PITPNM3: variants seen among roughly 807,000 people sequenced by gnomAD.
PITPNM3 encodes PITPNM family member 3.
A neutral mutation model predicts 102.0 loss-of-function variants in PITPNM3; 26 were observed. That is an observed-to-expected ratio of 0.25 (90% confidence interval 0.19 to 0.35). The LOEUF is 0.35. Ranked by LOEUF, PITPNM3 falls within the 10% of genes least tolerant of loss-of-function variation. The pLI is 1.00. For synonymous variants in PITPNM3, 578 were observed against 558.6 expected (o/e 1.03, Z -0.49); for missense variants, 1,083 against 1,346.1 (o/e 0.80, Z 3.06).
At chr17:6,540,412 C>T (rs1450906682) in intron 1 of PITPNM3, among the ~76,000 whole-genome samples, 3 of 152,132 alleles carry the variant, frequency 2.0e-5, no homozygotes, top group African/African-American at 7.2e-5. Context: ...TAATTACAGC[C>T]TAAAGAACAG....
In PITPNM3 at chr17:6,505,195, A is replaced by T. The variant is rs961359847; in HGVS notation, c.227-1621T>A. Among the ~76,000 whole-genome samples the T allele has an allele frequency of 6.2e-3, 847 of 135,918 alleles. 27 individuals are homozygous for T. The highest frequency in any genetic ancestry group is 0.023 in the African/African-American group (782 of 33,512). 89.2% of individuals were successfully genotyped at this position (135,918 alleles called of 152,430 possible). The stretch of plus-strand genomic sequence containing the variant: ...CGTCTCCAAAAAAGAAGACAAATAA[A>T]ATATATATATATATATATATGTAAA... On this transcript the variant is annotated intron_variant, in intron 3 of 19. Coordinates refer to ENST00000262483, the MANE Select transcript of PITPNM3 (RefSeq NM_031220.4).
Position 6,455,392 on chromosome 17 carries a change from C to G in PITPNM3, c.2871G>C (p.Pro957=). The G allele has an allele frequency of 6.3e-7, 1 of 1,594,006 alleles. No individual in the cohort carries two copies. The highest frequency in any genetic ancestry group is 2.3e-5 in the East Asian group (1 of 44,404). Reference sequence around the variant, plus strand: ...CACGCGCCCAGCTGAGCGCCGGCAGCGGCCGCTCGTGGTCTTTGTCCGACT... The same window carrying G: ...CACGCGCCCAGCTGAGCGCCGGCAGGGGCCGCTCGTGGTCTTTGTCCGACT... The part of the protein sequence containing the change: ...QPESDKDHER[P]LPALSWARGP... Residue 957 remains proline, a synonymous_variant, in exon 20 of 20, where the codon CCG becomes CCC. Coordinates refer to ENST00000262483, the MANE Select transcript of PITPNM3 (RefSeq NM_031220.4).
intron 17 of PITPNM3, among the ~76,000 whole-genome samples, chr17:6,461,828 C>T (rs79212926): frequency 0.02 from 3,014 of 151,734 alleles, 101 homozygotes; most frequent in African/African-American, 0.069. Flanking sequence ...CAGAGACAGG[C>T]GCCTTTCATT....
chr17:6,547,802 C>T (rs1910103621), intron 1 of PITPNM3, among the ~76,000 whole-genome samples: 1 of 151,796 alleles, frequency 6.6e-6, no homozygotes. Context: ...ATGCCACGAT[C>T]TCGGCTCACT....
rs1231542948 is a variant in PITPNM3, at chr17:6,468,869, C to T, written c.1774-528G>A. 1.3e-5 allele frequency among the ~76,000 whole-genome samples: 2 copies of T among 152,170 alleles called. No individual in the cohort carries two copies. Among genetic ancestry groups the T allele is most frequent in the Non-Finnish European group, 2.9e-5 (2 of 68,028 alleles). Reference sequence around the variant, plus strand: ...ACCGCCACATCCCTGCTGTCCCTCACAGCAGCACTGACAGAGGACTTAGCC... The same window carrying T: ...ACCGCCACATCCCTGCTGTCCCTCATAGCAGCACTGACAGAGGACTTAGCC... On this transcript the variant is annotated intron_variant, in intron 13 of 19. Transcript: ENST00000262483. The surrounding 1 kb of genome is among the most constrained non-coding windows in gnomAD (Gnocchi z 5.2).
At chr17:6,513,103 C>A (rs1597394937) in intron 3 of PITPNM3, among the ~76,000 whole-genome samples, 1 of 151,620 alleles carries the variant, frequency 6.6e-6, no homozygotes, top group East Asian at 1.9e-4. Flanking sequence ...AATCCAACAC[C>A]CTTTTATGGT....
At chr17:6,535,713 G>A (rs1430608479) in intron 2 of PITPNM3, among the ~76,000 whole-genome samples, 2 of 151,836 alleles carry the variant, frequency 1.3e-5, no homozygotes, top group African/African-American at 4.8e-5. Context: ...GAGGTAAGGA[G>A]TTCAAGACCA....
chr17:6,472,645 C>T lies in PITPNM3; in HGVS notation c.1429+12G>A, dbSNP rs764498469. On this transcript the variant is annotated intron_variant, in intron 11 of 19. Coordinates refer to ENST00000262483, the MANE Select transcript of PITPNM3 (RefSeq NM_031220.4). The surrounding 1 kb of genome is among the most constrained non-coding windows in gnomAD (Gnocchi z 4.1). ...CAGCTCAGCACACTCTCTCCCACCC[C>T]CAAGAACCTACCGAGGAGGAGGGAC... 11 of 1,610,434 alleles carry T rather than the reference C, an allele frequency of 6.8e-6. No homozygotes were observed. The highest frequency in any genetic ancestry group is 6.7e-5 in the East Asian group (3 of 44,780).
rs796340486 is a variant in PITPNM3 at position 6,452,977 on chromosome 17, C to CCTCT, written c.*2357_*2360dup. 2 of 133,662 alleles carry CCTCT rather than the reference C, an allele frequency of 1.5e-5. No homozygotes were observed. The highest frequency in any genetic ancestry group is 5.8e-5 in the African/African-American group (2 of 34,280). 8.3% of individuals were successfully genotyped at this position (133,662 alleles called of 1,614,324 possible). ...CTCTCTTCCTCTCTCTCTCTCTCTTCCTCTCTCTCTCTCTCTGTCTTCCTT... is the reference window on the plus strand; with the variant it reads ...CTCTCTTCCTCTCTCTCTCTCTCTTCCTCTCTCTCTCTCTCTCTCTGTCTTCCTT... On this transcript the variant is annotated 3_prime_UTR_variant, in exon 20 of 20. Coordinates refer to ENST00000262483, the MANE Select transcript of PITPNM3 (RefSeq NM_031220.4).
At position 6,510,361 on chromosome 17, in the gene PITPNM3, C is replaced by T. The variant is rs1005544954; in HGVS notation, c.227-6787G>A. Among the ~76,000 whole-genome samples, 6 of 152,320 alleles carry T rather than the reference C, an allele frequency of 3.9e-5. 1 individual carries two copies. The South Asian group carries it at 6.2e-4, about 16-fold the overall frequency. On this transcript the variant is annotated intron_variant, in intron 3 of 19. Coordinates refer to ENST00000262483, the MANE Select transcript of PITPNM3 (RefSeq NM_031220.4). ...CCACACCTCCCTCCGTACCTTTGTC[C>T]CTGCAGCTCCCTCTGCCCTCACTGG...
At chr17:6,501,619 G>A (rs1159554360) in intron 4 of PITPNM3, among the ~76,000 whole-genome samples, 1 of 151,748 alleles carries the variant, frequency 6.6e-6, no homozygotes, top group African/African-American at 2.4e-5. Flanking sequence ...AACCAACAAG[G>A]GCTCTGGGCC....
At position 6,537,629 on chromosome 17, in the gene PITPNM3, G is replaced by T. The variant is rs534755629; in HGVS notation, c.118+358C>A. On this transcript the variant is annotated intron_variant, in intron 2 of 19. Coordinates refer to ENST00000262483, the MANE Select transcript of PITPNM3 (RefSeq NM_031220.4). This position sits in a 1 kb window ranked among gnomAD's most constrained non-coding sequence, Gnocchi z 4.4. ...ACAGCTGGCACTTTTACTTAGCAGC[G>T]GCACTTTTACTTAGTGGCGATGGTC... is the stretch of plus-strand genomic sequence containing the variant. 3.9e-5 allele frequency among the ~76,000 whole-genome samples: 6 copies of T among 152,118 alleles called. No individual in the cohort carries two copies. Among genetic ancestry groups the T allele is most frequent in the African/African-American group, 9.7e-5 (4 of 41,418 alleles).
intron 3 of PITPNM3, among the ~76,000 whole-genome samples, chr17:6,511,035 A>G (rs1907838357): frequency 6.6e-6 from 1 of 152,184 alleles, no homozygotes; most frequent in Non-Finnish European, 1.5e-5. Context: ...TAACCTTGGT[A>G]TTACTGGGTT....
chr17:6,518,336 G>A (rs780262523), intron 3 of PITPNM3, among the ~76,000 whole-genome samples: 10 of 151,882 alleles, frequency 6.6e-5, no homozygotes, highest in Admixed American at 1.3e-4. Flanking sequence ...CTGGATGCAG[G>A]TTTTCTGGGG....
chr17:6,501,785 T>C (rs1190598337), intron 4 of PITPNM3, among the ~76,000 whole-genome samples: 5 of 152,080 alleles, frequency 3.3e-5, no homozygotes, highest in Non-Finnish European at 7.4e-5. Flanking sequence ...CAGCCTTGAG[T>C]TGGATTCCTG....
chr17:6,547,799 G>A (rs999461305), intron 1 of PITPNM3, among the ~76,000 whole-genome samples: 1 of 151,352 alleles, frequency 6.6e-6, no homozygotes, highest in African/African-American at 2.4e-5. Context: ...GCAATGCCAC[G>A]ATCTCGGCTC....
intron 1 of PITPNM3, among the ~76,000 whole-genome samples, chr17:6,551,398 G>T (rs1457884606): frequency 5.9e-5 from 9 of 152,120 alleles, no homozygotes; most frequent in Admixed American, 5.9e-4. Context: ...CTGGACACTG[G>T]TGTCTGATTT....
At chr17:6,465,003 G>A (rs1199209917) in intron 14 of PITPNM3, among the ~76,000 whole-genome samples, 2 of 152,164 alleles carry the variant, frequency 1.3e-5, no homozygotes, top group Admixed American at 6.5e-5. Flanking sequence ...GCCATTGTAC[G>A]TTTTCTGCTT....
In PITPNM3 at chr17:6,463,761, C is replaced by T; in HGVS notation, c.2277G>A (p.Lys759=). The change falls in exon 17 of 20, where the codon AAG becomes AAA. Residue 759 remains lysine, a synonymous_variant. Coordinates refer to ENST00000262483, the MANE Select transcript of PITPNM3 (RefSeq NM_031220.4). ...CAACATCCACTGCACCCGGCCGGAC[C>T]TTGGGGTCGCTTCCCATGATAGACA... ...ASVSIMGSDP[K]VRPGAVDVVR... 6.2e-7 allele frequency: 1 copy of T among 1,612,062 alleles called. No homozygotes were observed. The highest frequency in any genetic ancestry group is 1.1e-5 in the South Asian group (1 of 90,838).
Sources: gnomAD v4.1 joint callset for allele counts (sites outside exome capture counted in the v4.1 genomes callset) on GRCh38, gnomAD v4.1.1 for gene constraint, Gnocchi (gnomAD v3.1) non-coding constraint, MANE v1.5 for transcripts, NCBI Gene and HGNC (gene_info 2026-07-23, HGNC 2026-07-21) for gene names.